KCNMB2: variants seen among roughly 807,000 people sequenced by gnomAD.
KCNMB2 encodes the protein potassium calcium-activated channel subfamily M regulatory beta subunit 2.
In KCNMB2, 9 loss-of-function variants were observed where a neutral mutation model predicts 24.5. The observed-to-expected ratio is 0.37, with a 90% confidence interval of 0.22 to 0.64. The LOEUF is 0.64. Ranked by LOEUF, KCNMB2 falls within the 30% of genes least tolerant of loss-of-function variation. The pLI is 0.63. For synonymous variants in KCNMB2, 109 were observed against 104.4 expected (o/e 1.04, Z -0.27); for missense variants, 226 against 284.3 (o/e 0.79, Z 1.47).
chr3:178,670,142 T>A (rs1330177555), intron 1 of KCNMB2, among the ~76,000 whole-genome samples: 1 of 152,150 alleles, frequency 6.6e-6, no homozygotes, highest in Non-Finnish European at 1.5e-5. Flanking sequence ...TCACTGCCAA[T>A]AAATACTAAT....
At chr3:178,593,479 A>ATAAG (rs1187296323) in intron 1 of KCNMB2, among the ~76,000 whole-genome samples, 1 of 152,060 alleles carries the variant, frequency 6.6e-6, no homozygotes, top group Admixed American at 6.6e-5. Context: ...TTTTCATTGG[A>ATAAG]TAAGTTAAAT....
At chr3:178,737,792 C>G (rs933133920) in intron 1 of KCNMB2, among the ~76,000 whole-genome samples, 1 of 152,170 alleles carries the variant, frequency 6.6e-6, no homozygotes, top group South Asian at 2.1e-4. Context: ...GGAAAAACAA[C>G]TCAGAGATGA....
chr3:178,715,319 G>A (rs180679338), intron 1 of KCNMB2, among the ~76,000 whole-genome samples: 3 of 151,136 alleles, frequency 2.0e-5, no homozygotes, highest in Non-Finnish European at 4.4e-5. Context: ...AAGAGCAGTG[G>A]TATAGTTTTT....
intron 1 of KCNMB2, among the ~76,000 whole-genome samples, chr3:178,630,241 C>A (rs925210372): frequency 6.6e-6 from 1 of 152,186 alleles, no homozygotes; most frequent in Non-Finnish European, 1.5e-5. Context: ...GGGCTTTAGA[C>A]CCCTCCTTCT....
At chr3:178,650,551 T>A (rs548511284) in intron 1 of KCNMB2, among the ~76,000 whole-genome samples, 5 of 152,086 alleles carry the variant, frequency 3.3e-5, no homozygotes, top group Non-Finnish European at 5.9e-5. Flanking sequence ...TCTCCCTCAC[T>A]CATTTCATGA....
intron 1 of KCNMB2, among the ~76,000 whole-genome samples, chr3:178,771,252 A>G (rs1236692914): frequency 1.3e-5 from 2 of 151,906 alleles, no homozygotes; most frequent in East Asian, 3.9e-4. Flanking sequence ...TCTAAATACA[A>G]TGTCAAAATG....
chr3:178,711,881 T>A (rs1391997982), intron 1 of KCNMB2, among the ~76,000 whole-genome samples: 5 of 152,226 alleles, frequency 3.3e-5, no homozygotes, highest in Non-Finnish European at 5.9e-5. Context: ...AACTTCTGAT[T>A]CCACATCTGT....
chr3:178,666,605 G>A (rs1336982384), intron 1 of KCNMB2, among the ~76,000 whole-genome samples: 1 of 152,088 alleles, frequency 6.6e-6, no homozygotes, highest in African/African-American at 2.4e-5. Context: ...AGGCCAAGAG[G>A]GAAAGCTTGC....
intron 1 of KCNMB2, among the ~76,000 whole-genome samples, chr3:178,742,893 G>C (rs1723541656): frequency 6.6e-6 from 1 of 152,142 alleles, no homozygotes; most frequent in African/African-American, 2.4e-5. Context: ...CCTGACAGAG[G>C]GAGACTTGGT....
intron 4 of KCNMB2, chr3:178,841,598 AAGG>A (rs1715431533): frequency 2.0e-5 from 3 of 152,248 alleles, no homozygotes; most frequent in African/African-American, 7.2e-5. Flanking sequence ...GCAGAAAATG[AAGG>A]AGAAGCAAGG....
chr3:178,757,717 T>TAC lies in KCNMB2; in HGVS notation c.-67-49625_-67-49624insCA, dbSNP rs1560005664. The stretch of plus-strand genomic sequence containing the variant: ...GTATATATATCCAAGAGGATATATA[T>TAC]ATGTATATATATCCAAGAGGATATA... On this transcript the variant is annotated intron_variant, in intron 1 of 4. Coordinates refer to ENST00000452583, the MANE Select transcript of KCNMB2 (RefSeq NM_181361.3). 1.8e-4 allele frequency among the ~76,000 whole-genome samples: 15 copies of TAC among 82,242 alleles called. 3 individuals carry two copies. The highest frequency in any genetic ancestry group is 6.5e-4 in the East Asian group (2 of 3,060). 54.0% of individuals were successfully genotyped at this position (82,242 alleles called of 152,430 possible). A position where few individuals can be genotyped will look rare whatever the true frequency, so the allele number is the denominator to read the frequency against.
At chr3:178,736,104 A>G (rs1194587024) in intron 1 of KCNMB2, among the ~76,000 whole-genome samples, 1 of 152,326 alleles carries the variant, frequency 6.6e-6, no homozygotes, top group East Asian at 1.9e-4. Flanking sequence ...AGTGAGTGAT[A>G]GAGCTAGGCT....
chr3:178,821,196 G>A (rs1165958857), intron 2 of KCNMB2, among the ~76,000 whole-genome samples: 1 of 152,054 alleles, frequency 6.6e-6, no homozygotes, highest in Non-Finnish European at 1.5e-5. Flanking sequence ...AGAATAGACA[G>A]AAAGAACCAA....
intron 1 of KCNMB2, among the ~76,000 whole-genome samples, chr3:178,627,197 T>C (rs1017858047): frequency 2.0e-5 from 3 of 152,156 alleles, no homozygotes; most frequent in African/African-American, 4.8e-5. Flanking sequence ...GAAAGAAAAG[T>C]TGAAATTCTT....
intron 1 of KCNMB2, among the ~76,000 whole-genome samples, chr3:178,631,237 T>C (rs1719308510): frequency 2.0e-5 from 3 of 152,174 alleles, no homozygotes; most frequent in Non-Finnish European, 2.9e-5. Context: ...TCATATTCCT[T>C]CTTCTCCGTG....
intron 1 of KCNMB2, among the ~76,000 whole-genome samples, chr3:178,796,003 G>T (rs1030417348): frequency 6.6e-6 from 1 of 152,060 alleles, no homozygotes; most frequent in African/African-American, 2.4e-5. Flanking sequence ...GCTGGACAGC[G>T]CTCTGGAAAT....
At position 178,843,144 on chromosome 3, in the gene KCNMB2, T is replaced by G. The variant is rs1715489511; in HGVS notation, c.*207T>G. ...GAATAAATAACTGTTTTGTGTTGGTTGGTGGTTTTCATAATCTTATTTCTG... is the reference window on the plus strand; with the variant it reads ...GAATAAATAACTGTTTTGTGTTGGTGGGTGGTTTTCATAATCTTATTTCTG... On this transcript the variant is annotated 3_prime_UTR_variant, in exon 5 of 5. Coordinates refer to ENST00000452583, the MANE Select transcript of KCNMB2 (RefSeq NM_181361.3). 1 of 648,912 alleles carries G rather than the reference T, an allele frequency of 1.5e-6. No homozygotes were observed. 40.2% of individuals were successfully genotyped at this position (648,912 alleles called of 1,614,324 possible).
chr3:178,786,215 G>T (rs772757616), intron 1 of KCNMB2, among the ~76,000 whole-genome samples: 2 of 152,150 alleles, frequency 1.3e-5, no homozygotes, highest in Admixed American at 1.3e-4. Context: ...TATGAGTTCA[G>T]AGAGGCTGTG....
intron 1 of KCNMB2, among the ~76,000 whole-genome samples, chr3:178,788,982 A>T (rs993795466): frequency 2.0e-5 from 3 of 152,208 alleles, no homozygotes; most frequent in Non-Finnish European, 2.9e-5. Flanking sequence ...TGCTGAATTG[A>T]TTAAAAAGAA....
Sources: gnomAD v4.1 joint callset for allele counts (sites outside exome capture counted in the v4.1 genomes callset) on GRCh38, gnomAD v4.1.1 for gene constraint, MANE v1.5 for transcripts, NCBI Gene and HGNC (gene_info 2026-07-23, HGNC 2026-07-21) for gene names.